The following SLC38A4 variants were observed in gnomAD, a reference collection of about 807,000 sequenced individuals.
SLC38A4 encodes the protein solute carrier family 38 member 4, also known as sodium-coupled neutral amino acid transporter 4.
In SLC38A4, 20 loss-of-function variants were observed where a neutral mutation model predicts 63.1. The ratio of observed to expected loss-of-function variants is 0.32; its 90% CI spans 0.22 to 0.46. The LOEUF is 0.46. SLC38A4 is among the 20% of genes least tolerant of loss of function. SLC38A4 has a pLI of 1.00. For synonymous variants in SLC38A4, 230 were observed against 225.5 expected, an observed-to-expected ratio of 1.02 and a Z score of -0.18; for missense variants, 526 against 663.6, an observed-to-expected ratio of 0.79 and a Z score of 2.28.
At chr12:46,826,893 A>T (rs1354928513), upstream of SLC38A4, among the ~76,000 whole-genome samples, 1 of 152,226 alleles carries the variant, frequency 6.6e-6, no homozygotes, top group African/African-American at 2.4e-5. Context: ...TAGGTCCATG[A>T]AAAAAATGTT....
At chr12:46,796,241 T>A (rs1336939001) in intron 2 of SLC38A4, among the ~76,000 whole-genome samples, 2 of 152,190 alleles carry the variant, frequency 1.3e-5, no homozygotes, top group Non-Finnish European at 2.9e-5. Context: ...GCTCTTATCC[T>A]CTTTCTCTTT....
Position 46,769,420 on chromosome 12 carries a change from T to G in SLC38A4, c.1308A>C (p.Thr436=). The G allele has an allele frequency of 1.2e-6, 2 of 1,612,436 alleles. No homozygotes were observed. Among genetic ancestry groups the G allele is most frequent in the Non-Finnish European group, 1.7e-6 (2 of 1,178,822 alleles). The part of the protein sequence containing the change: ...TVPIVLFPIR[T]SVITLLFPKR... ...TGGGAAATAACAGTGTGATCACTGA[T>G]GTACGAATCTTAAACAAGAAAGTTC... Residue 436 remains threonine, a synonymous_variant, in exon 15 of 17, where the codon ACA becomes ACC. Transcript: ENST00000266579.
rs141175921 is a variant in SLC38A4, at chr12:46,807,188, T to C, written c.-304-3394A>G. 3.2e-3 allele frequency among the ~76,000 whole-genome samples: 491 copies of C among 152,160 alleles called. 4 individuals carry two copies. Among genetic ancestry groups the C allele is most frequent in the African/African-American group, 0.011 (466 of 41,574 alleles). ...ACAGTAATGACTAAGAAACAAATTATGTATTTTTTAATACTTTTGTAATGC... is the reference window on the plus strand; with the variant it reads ...ACAGTAATGACTAAGAAACAAATTACGTATTTTTTAATACTTTTGTAATGC... On this transcript the variant is annotated intron_variant, in intron 1 of 16. Transcript: ENST00000266579.
chr12:46,807,711 C>T (rs1323774909), intron 1 of SLC38A4, among the ~76,000 whole-genome samples: 1 of 151,954 alleles, frequency 6.6e-6, no homozygotes, highest in Non-Finnish European at 1.5e-5. Flanking sequence ...GCAGAATTCT[C>T]TGCCATGATA....
intron 14 of SLC38A4, among the ~76,000 whole-genome samples, chr12:46,771,478 C>G (rs1400911381): frequency 6.6e-6 from 1 of 152,070 alleles, no homozygotes. Flanking sequence ...TGAAAGCAGT[C>G]TCCTGGCTCC....
intron 1 of SLC38A4, among the ~76,000 whole-genome samples, chr12:46,813,353 T>A (rs956285937): frequency 4.6e-5 from 7 of 152,048 alleles, no homozygotes; most frequent in African/African-American, 1.4e-4. Flanking sequence ...TCAGATGCTA[T>A]GTTCCTCTAA....
intron 15 of SLC38A4, 92 bp downstream of exon 15, chr12:46,769,192 G>T (rs1188562075): frequency 1.5e-6 from 2 of 1,377,758 alleles, no homozygotes. Flanking sequence ...GAGAAAGAAC[G>T]GGGATCTGGA....
chr12:46,791,009 G>A (rs1207982173), intron 3 of SLC38A4, among the ~76,000 whole-genome samples: 1 of 152,136 alleles, frequency 6.6e-6, no homozygotes, highest in Non-Finnish European at 1.5e-5. Flanking sequence ...ATTGCATGAA[G>A]CTTAAGAAAA....
intron 14 of SLC38A4, among the ~76,000 whole-genome samples, chr12:46,770,013 G>C (rs1437319006): frequency 8.5e-5 from 13 of 152,048 alleles, no homozygotes; most frequent in Non-Finnish European, 1.9e-4. Context: ...ATTTGAAATG[G>C]AGTGTCATTT....
At chr12:46,779,094 T>G (rs1938587936) in intron 10 of SLC38A4, among the ~76,000 whole-genome samples, 1 of 152,082 alleles carries the variant, frequency 6.6e-6, no homozygotes, top group Non-Finnish European at 1.5e-5. Context: ...TCTTCAAAAC[T>G]TTTTTTCCTT....
chr12:46,778,918 CT>C, intron 10 of SLC38A4, 142 bp from the exon 11 acceptor site: 1 of 721,822 alleles, frequency 1.4e-6, no homozygotes. Flanking sequence ...ACAAAGTAAA[CT>C]TCCTCTAGCC....
chr12:46,789,474 A>G (rs1938835197), intron 3 of SLC38A4, among the ~76,000 whole-genome samples: 1 of 152,160 alleles, frequency 6.6e-6, no homozygotes, highest in African/African-American at 2.4e-5. Context: ...TCTTGGACAC[A>G]GGCTAGAAGA....
intron 1 of SLC38A4, among the ~76,000 whole-genome samples, chr12:46,817,761 C>G (rs1423256818): frequency 6.6e-6 from 1 of 151,806 alleles, no homozygotes; most frequent in East Asian, 1.9e-4. Flanking sequence ...CTGGGATTTG[C>G]ATATATGATG....
At chr12:46,828,280 T>A (rs965528343), upstream of SLC38A4, among the ~76,000 whole-genome samples, 6 of 152,110 alleles carry the variant, frequency 3.9e-5, no homozygotes, top group Non-Finnish European at 7.4e-5. Flanking sequence ...AGTATTCAAA[T>A]CTGATTTTTC....
intron 14 of SLC38A4, among the ~76,000 whole-genome samples, chr12:46,772,600 A>G (rs1238318989): frequency 6.6e-6 from 1 of 152,082 alleles, no homozygotes. Context: ...TGAAAACACT[A>G]CCTTAATTCA....
At chr12:46,788,445 A>G in intron 4 of SLC38A4, 83 bp downstream of exon 4, 1 of 1,100,300 alleles carries the variant, frequency 9.1e-7, no homozygotes, top group Non-Finnish European at 1.4e-6. Context: ...GGAAAATTTC[A>G]GTCACATTGT....
intron 14 of SLC38A4, 52 bp from the exon 15 acceptor site, chr12:46,769,480 C>A: frequency 6.4e-7 from 1 of 1,571,036 alleles, no homozygotes; most frequent in Admixed American, 1.7e-5. Flanking sequence ...TTGACTTTAT[C>A]TATTACTTCA....
intron 13 of SLC38A4, among the ~76,000 whole-genome samples, chr12:46,775,555 C>A (rs1212377263): frequency 6.6e-6 from 1 of 151,958 alleles, no homozygotes; most frequent in Non-Finnish European, 1.5e-5. Context: ...CCTGTCCCTA[C>A]CTGCGCAGCC....
intron 1 of SLC38A4, among the ~76,000 whole-genome samples, chr12:46,823,538 C>A (rs551672716): frequency 5.3e-5 from 8 of 152,158 alleles, no homozygotes; most frequent in Non-Finnish European, 1.2e-4. Flanking sequence ...AGATTTAGGA[C>A]AAGGAATATT....
Sources: allele counts gnomAD v4.1 joint callset (sites outside exome capture counted in the v4.1 genomes callset), GRCh38; gene constraint gnomAD v4.1.1; transcripts MANE v1.5; gene names NCBI Gene and HGNC (gene_info 2026-07-23, HGNC 2026-07-21).